PCF11: variants seen among roughly 807,000 people sequenced by gnomAD.
The protein encoded by PCF11 is PCF11 cleavage and polyadenylation factor subunit.
In PCF11, 19 loss-of-function variants were observed where a neutral mutation model predicts 166.1. The observed-to-expected ratio is 0.11, with a 90% confidence interval of 0.08 to 0.17. PCF11 has a LOEUF of 0.17. PCF11 is among the 10% of genes least tolerant of loss of function. The pLI is 1.00. For missense variants in PCF11, 1,565 were observed against 1,855.5 expected (o/e 0.84, Z 2.88); for synonymous variants, 663 against 644.1 (o/e 1.03, Z -0.44).
intron 5 of PCF11, 30 bp downstream of exon 5, chr11:83,166,744 A>G: frequency 1.3e-6 from 2 of 1,529,884 alleles, no homozygotes; most frequent in African/African-American, 1.4e-5. Context: ...AGTCAAGTGT[A>G]GTAGTGTATA....
At chr11:83,173,522 GTT>G (rs550536928) in intron 9 of PCF11, among the ~76,000 whole-genome samples, 2 of 138,598 alleles carry the variant, frequency 1.4e-5, no homozygotes, top group Admixed American at 7.2e-5. Flanking sequence ...TTTTGTTGTT[GTT>G]TTTTTTTTTT....
chr11:83,167,419 G>C lies in PCF11; in HGVS notation c.2006G>C (p.Ser669Thr). The change falls in exon 7 of 16, where the codon AGT becomes ACT. Residue 669 changes from serine to threonine, a missense_variant. Physicochemically the swap from Ser to Thr is moderately conservative, Grantham distance 58 (BLOSUM62 1). This residue lies in a region of PCF11 where 26 missense variants were observed against 63.3 expected (regional missense o/e 0.41). Coordinates refer to ENST00000298281, the Ensembl canonical transcript of PCF11. This position sits in a 1 kb window ranked among gnomAD's most constrained non-coding sequence, Gnocchi z 4.2. ...CCTTTTATCACCCCTATACAGACGA[G>C]TGAACGTTTAGCATCTGGTGAAATT... 6.3e-7 allele frequency: 1 copy of C among 1,594,954 alleles called. No individual in the cohort carries two copies. Among genetic ancestry groups the C allele is most frequent in the Non-Finnish European group, 8.5e-7 (1 of 1,173,538 alleles).
At chr11:83,169,534 C>T (rs746434444) in exon 8 of PCF11, 24 of 1,613,874 alleles carry the variant, frequency 1.5e-5, no homozygotes, top group Non-Finnish European at 1.9e-5. Context: ...TGAAAGGACT[C>T]CTGGTCAGCC....
exon 9 of PCF11, chr11:83,171,832 T>G: frequency 6.3e-7 from 1 of 1,589,512 alleles, no homozygotes; most frequent in African/African-American, 1.3e-5. Context: ...TGAGTGGTGT[T>G]GCTCAGCCAG....
intron 1 of PCF11, chr11:83,159,000 G>A (rs1860120333): frequency 6.6e-6 from 1 of 152,078 alleles, no homozygotes; most frequent in South Asian, 2.1e-4. Flanking sequence ...TTCTTCTTTA[G>A]GTTCCATCCA....
chr11:83,174,082 G>T (rs970359854), intron 9 of PCF11, among the ~76,000 whole-genome samples: 4 of 152,136 alleles, frequency 2.6e-5, no homozygotes, highest in African/African-American at 9.7e-5. Flanking sequence ...GGACATAGCA[G>T]TGTCACAGAG....
chr11:83,181,184 G>T, exon 12 of PCF11: 1 of 1,591,604 alleles, frequency 6.3e-7, no homozygotes, highest in Non-Finnish European at 8.6e-7. Context: ...TGGTACTACA[G>T]TTTAACAGTA....
In PCF11 at chr11:83,167,082, TAAAA is replaced by T. The variant is rs759132468; in HGVS notation, c.1818-39_1818-36del. 13 of 1,488,038 alleles carry T rather than the reference TAAAA, an allele frequency of 8.7e-6. No homozygotes were observed. In the South Asian group the frequency reaches 1.4e-4, roughly 16 times the overall value. The allele number at this position is 1,488,038 out of a possible 1,614,324, so 92.2% of individuals were successfully genotyped here. On this transcript the variant is annotated intron_variant, in intron 5 of 15. Transcript: ENST00000298281. This position sits in a 1 kb window ranked among gnomAD's most constrained non-coding sequence, Gnocchi z 4.2. The stretch of plus-strand genomic sequence containing the variant: ...TTTAAATATGGTCCTGAGTATTTTT[TAAAA>T]AAACATTTCAATGTAACATACTGCT...
rs1860532356 is a variant in PCF11 at position 83,167,959 on chromosome 11, C to G, written c.2092+454C>G. 8.4e-7 allele frequency: 1 copy of G among 1,188,006 alleles called. No homozygotes were observed. Among genetic ancestry groups the G allele is most frequent in the Non-Finnish European group, 1.1e-6 (1 of 925,062 alleles). The allele number at this position is 1,188,006 out of a possible 1,614,324, so 73.6% of individuals were successfully genotyped here. A position where few individuals can be genotyped will look rare whatever the true frequency, so the allele number is the denominator to read the frequency against. On this transcript the variant is annotated intron_variant, in intron 7 of 15. Transcript: ENST00000298281. This position sits in a 1 kb window ranked among gnomAD's most constrained non-coding sequence, Gnocchi z 4.2. ...CACACAGCAGTGAAGGGAAAATGAA[C>G]AAGCTAAGTGGGGATGGATTTTTGT...
chr11:83,161,600 G>A (rs1415836865), intron 2 of PCF11, 148 bp downstream of exon 2: 7 of 563,410 alleles, frequency 1.2e-5, no homozygotes, highest in Non-Finnish European at 2.1e-5. Context: ...AAAGAAAGAG[G>A]CTGAAGTTAA....
At chr11:83,170,810 GAA>G (rs1369930712) in intron 8 of PCF11, among the ~76,000 whole-genome samples, 3 of 152,120 alleles carry the variant, frequency 2.0e-5, no homozygotes, top group African/African-American at 7.2e-5. Context: ...TTGCATGGAA[GAA>G]AATACAAAAT....
At chr11:83,169,964 T>G in exon 8 of PCF11, 1 of 1,600,824 alleles carries the variant, frequency 6.2e-7, no homozygotes, top group Non-Finnish European at 8.5e-7. Context: ...CCTGCTCCAA[T>G]GACAGTAGGA....
intron 1 of PCF11, 58 bp downstream of exon 1, chr11:83,157,689 G>A (rs1317798678): frequency 3.4e-6 from 5 of 1,483,076 alleles, no homozygotes. Flanking sequence ...TTTAGTGTCA[G>A]CCTCATCCCA....
At chr11:83,182,475 T>C (rs780499133) in exon 14 of PCF11, 2 of 1,504,856 alleles carry the variant, frequency 1.3e-6, no homozygotes, top group African/African-American at 2.7e-5. Flanking sequence ...AAAAATGCTA[T>C]TAGAGTAGAT....
intron 2 of PCF11, among the ~76,000 whole-genome samples, chr11:83,161,738 CACTT>C (rs1860262732): frequency 6.6e-6 from 1 of 152,164 alleles, no homozygotes; most frequent in South Asian, 2.1e-4. Context: ...TCTGTTTCAT[CACTT>C]ACAAACCAGG....
At chr11:83,158,491 C>T (rs945318858) in intron 1 of PCF11, 1 of 152,098 alleles carries the variant, frequency 6.6e-6, no homozygotes, top group African/African-American at 2.4e-5. Flanking sequence ...TTTTCTTTAC[C>T]CCTTGACAGA....
At chr11:83,178,591 C>G (rs529903007) in intron 11 of PCF11, among the ~76,000 whole-genome samples, 1 of 151,680 alleles carries the variant, frequency 6.6e-6, no homozygotes. Flanking sequence ...GTCAGGAGAT[C>G]GAGACCATCC....
exon 16 of PCF11, chr11:83,185,154 G>A (rs553151937): frequency 6.7e-5 from 21 of 315,532 alleles, no homozygotes; most frequent in Middle Eastern, 8.6e-4. Flanking sequence ...AAAAATGTAC[G>A]ATTTTTCACT....
intron 14 of PCF11, among the ~76,000 whole-genome samples, chr11:83,182,743 T>A (rs1285706129): frequency 3.3e-5 from 5 of 152,166 alleles, no homozygotes; most frequent in African/African-American, 1.2e-4. Flanking sequence ...CTGAATCTAG[T>A]TAGTCGTTTT....
Sources: gnomAD v4.1 joint callset for allele counts (sites outside exome capture counted in the v4.1 genomes callset) on GRCh38, gnomAD v4.1.1 for gene constraint, gnomAD v4.1.1 regional missense constraint, Gnocchi (gnomAD v3.1) non-coding constraint, MANE v1.5 for transcripts, NCBI Gene and HGNC (gene_info 2026-07-23, HGNC 2026-07-21) for gene names.